Variants in SUPT3H observed in about 807,000 individuals in gnomAD.
The protein encoded by SUPT3H is SPT3 homolog, SAGA and STAGA complex component, also known as transcription initiation protein SPT3 homolog.
Under a neutral mutation model 44.3 loss-of-function variants are expected in SUPT3H, and 44 were observed. The ratio of observed to expected loss-of-function variants is 0.99; its 90% CI spans 0.78 to 1.28. The LOEUF (loss-of-function observed/expected upper bound fraction) is 1.28. SUPT3H is among the 50% of genes most tolerant of loss of function. SUPT3H has a pLI of 0.00. For synonymous variants in SUPT3H, 124 were observed against 125.6 expected (o/e 0.99, Z 0.09); for missense variants, 380 against 387.1 (o/e 0.98, Z 0.15).
intron 3 of SUPT3H, among the ~76,000 whole-genome samples, chr6:45,035,643 T>G (rs184758940): frequency 1.4e-4 from 22 of 152,266 alleles, no homozygotes; most frequent in Non-Finnish European, 1.0e-4. Context: ...GCCACAGTCG[T>G]AGGTATGAAT....
rs549273116 is a variant in SUPT3H at position 45,131,553 on chromosome 6, G to A, written c.102-25547C>T. ...TCTAACATACATATTAACAGCTTAT[G>A]TGCCAGTTTTGATAAAGGAAGCCAT... On this transcript the variant is annotated intron_variant, in intron 2 of 10. Transcript: ENST00000371459. Among the ~76,000 whole-genome samples, 27 of 152,020 alleles carry A rather than the reference G, an allele frequency of 1.8e-4. No homozygotes were observed. In the South Asian group the frequency reaches 5.6e-3, roughly 32 times the overall value.
chr6:45,037,033 A>T (rs977197972), intron 3 of SUPT3H, among the ~76,000 whole-genome samples: 2 of 152,178 alleles, frequency 1.3e-5, no homozygotes, highest in African/African-American at 2.4e-5. Flanking sequence ...TATTGACAAG[A>T]GAGTCGCACT....
rs1020766451 is a variant in SUPT3H, at chr6:45,028,321, A to G, written c.187-7689T>C. ...CTGGGATAAAATTATGCCTTTTACCAATCTTCCTGTTTTTAGTCTACACAA... is the reference window on the plus strand; with the variant it reads ...CTGGGATAAAATTATGCCTTTTACCGATCTTCCTGTTTTTAGTCTACACAA... On this transcript the variant is annotated intron_variant, in intron 3 of 10. Transcript: ENST00000371459. 3.3e-5 allele frequency among the ~76,000 whole-genome samples: 5 copies of G among 152,132 alleles called. No homozygotes were observed. The East Asian group carries it at 9.6e-4, about 29-fold the overall frequency.
chr6:44,849,589 C>G (rs1248609119), intron 10 of SUPT3H, among the ~76,000 whole-genome samples: 1 of 152,068 alleles, frequency 6.6e-6, no homozygotes, highest in African/African-American at 2.4e-5. Flanking sequence ...GAGAAAGGGT[C>G]AGAAAAAGTA....
intron 10 of SUPT3H, among the ~76,000 whole-genome samples, chr6:44,862,392 C>T (rs1317333554): frequency 6.6e-6 from 1 of 151,706 alleles, no homozygotes; most frequent in African/African-American, 2.4e-5. Flanking sequence ...AGAAATGATA[C>T]AGGGCCAGGC....
At chr6:45,240,848 T>C (rs1036944211) in intron 2 of SUPT3H, among the ~76,000 whole-genome samples, 1 of 152,166 alleles carries the variant, frequency 6.6e-6, no homozygotes, top group African/African-American at 2.4e-5. Context: ...TTGTGGAAAC[T>C]ATTAATGGAA....
downstream of SUPT3H, among the ~76,000 whole-genome samples, chr6:44,825,139 T>C (rs527717946): frequency 6.6e-6 from 1 of 152,238 alleles, no homozygotes; most frequent in Non-Finnish European, 1.5e-5. Context: ...TTTGTATACA[T>C]GGATCTTTGA....
chr6:45,066,017 T>G (rs1273075196), intron 3 of SUPT3H, among the ~76,000 whole-genome samples: 2 of 139,090 alleles, frequency 1.4e-5, no homozygotes, highest in Non-Finnish European at 3.1e-5. Context: ...AAAAAGAGAA[T>G]TTTAGACCAA....
chr6:44,922,550 A>G (rs1282738670), intron 10 of SUPT3H, among the ~76,000 whole-genome samples: 1 of 152,184 alleles, frequency 6.6e-6, no homozygotes. Flanking sequence ...TTGTCACACT[A>G]TCAATAAAAC....
intron 5 of SUPT3H, among the ~76,000 whole-genome samples, chr6:45,007,793 G>C (rs570896023): frequency 7.0e-4 from 105 of 150,998 alleles, no homozygotes; most frequent in African/African-American, 2.4e-3. Context: ...CAATGGTAAG[G>C]GTTTGAGTGG....
intron 2 of SUPT3H, among the ~76,000 whole-genome samples, chr6:45,215,117 CACT>C (rs1764825526): frequency 6.6e-6 from 1 of 152,096 alleles, no homozygotes. Flanking sequence ...TTCATACTAC[CACT>C]ACTGCACTAA....
At chr6:45,134,348 T>C (rs958813157) in intron 2 of SUPT3H, among the ~76,000 whole-genome samples, 1 of 152,200 alleles carries the variant, frequency 6.6e-6, no homozygotes, top group African/African-American at 2.4e-5. Flanking sequence ...TACTGTTGCA[T>C]TGGGAAAGAA....
intron 3 of SUPT3H, among the ~76,000 whole-genome samples, chr6:45,076,959 T>A (rs1293505134): frequency 1.3e-5 from 2 of 152,184 alleles, no homozygotes; most frequent in Non-Finnish European, 2.9e-5. Context: ...GGTAGTTTTT[T>A]AATCTCCCTT....
intron 3 of SUPT3H, among the ~76,000 whole-genome samples, chr6:45,077,625 T>TAAAAAAAAAAAAAAAA (rs1795172893): frequency 8.9e-4 from 1 of 1,124 alleles, no homozygotes; most frequent in Non-Finnish European, 1.7e-3. Flanking sequence ...AGACCTTGTT[T>TAAAAAAAAAAAAAAAA]CAAAAAAAAA....
At chr6:44,998,948 T>A (rs913370293) in intron 6 of SUPT3H, among the ~76,000 whole-genome samples, 5 of 152,050 alleles carry the variant, frequency 3.3e-5, no homozygotes, top group Non-Finnish European at 7.4e-5. Context: ...TATATGGACT[T>A]TTCTCGTTGT....
rs1797035181 is a variant in SUPT3H, at chr6:45,377,767, C to G, written c.-1+1G>C. 1 of 152,458 alleles carries G rather than the reference C, an allele frequency of 6.6e-6. No individual in the cohort carries two copies. The highest frequency in any genetic ancestry group is 1.5e-5 in the Non-Finnish European group (1 of 68,222). The allele number at this position is 152,458 out of a possible 1,614,324, so 9.4% of individuals were successfully genotyped here. A position where few individuals can be genotyped will look rare whatever the true frequency, so the allele number is the denominator to read the frequency against. On this transcript the variant is annotated splice_donor_variant, in intron 1 of 10. Transcript: ENST00000371459. LOFTEE classifies it low-confidence loss of function (5UTR_SPLICE). ...GCACCGCCCCCCGCAAGCCCTACAA[C>G]CTCTGCTTTAAGAACCCTTGGAGGC...
At chr6:44,866,899 T>C (rs1291614056) in intron 10 of SUPT3H, among the ~76,000 whole-genome samples, 1 of 152,180 alleles carries the variant, frequency 6.6e-6, no homozygotes, top group Non-Finnish European at 1.5e-5. Flanking sequence ...GTCAGAAGAA[T>C]AGCACATTTA....
intron 10 of SUPT3H, among the ~76,000 whole-genome samples, chr6:44,886,084 C>A (rs375073427): frequency 1.3e-5 from 2 of 152,056 alleles, no homozygotes. Flanking sequence ...TAAAAAGAAA[C>A]GAACAATGCC....
At chr6:45,147,157 T>C (rs1324705779) in intron 2 of SUPT3H, among the ~76,000 whole-genome samples, 1 of 152,118 alleles carries the variant, frequency 6.6e-6, no homozygotes, top group Non-Finnish European at 1.5e-5. Context: ...AATGAATAAG[T>C]AGGTGAGCGA....
Sources: gnomAD v4.1 joint callset for allele counts (sites outside exome capture counted in the v4.1 genomes callset) on GRCh38, gnomAD v4.1.1 for gene constraint, MANE v1.5 for transcripts, NCBI Gene and HGNC (gene_info 2026-07-23, HGNC 2026-07-21) for gene names.